The following PXN variants were observed in gnomAD, a reference collection of about 807,000 sequenced individuals.
The protein encoded by PXN is paxillin, also known as testicular tissue protein Li 134.
Under a neutral mutation model 103.6 loss-of-function variants are expected in PXN, and 61 were observed. That is an observed-to-expected ratio of 0.59 (90% CI 0.48 to 0.73). PXN has a LOEUF of 0.73. PXN is among the 30% of genes least tolerant of loss of function. The probability of loss-of-function intolerance (pLI) is 0.00; values close to 1 mark genes in which losing one functional copy is unlikely to be tolerated. For synonymous variants in PXN, 562 were observed against 607.8 expected (o/e 0.92, Z 1.11); for missense variants, 1,274 against 1,460.3 (o/e 0.87, Z 2.08).
chr12:120,219,929 A>G lies in PXN; in HGVS notation c.994T>C (p.Cys332Arg). The G allele has an allele frequency of 6.3e-7, 1 of 1,597,494 alleles. No individual in the cohort carries two copies. Among genetic ancestry groups the G allele is most frequent in the Non-Finnish European group, 8.5e-7 (1 of 1,178,994 alleles). Residue 332 changes from cysteine to arginine, a missense_variant, in exon 7 of 15, where the codon TGT (cysteine) becomes CGT (arginine). Cys to Arg is a radical substitution (Grantham distance 180). Transcript: ENST00000637617. The surrounding 1 kb of genome is among the most constrained non-coding windows in gnomAD (Gnocchi z 6.5). ...AGGCCTCGTCCACTCTGCTCAGTAC[A>G]AGGGAACTCCGGAGTGTGGCCCTGG... is the stretch of plus-strand genomic sequence containing the variant. ...RGQGHTPEFP[C>R]TEQSGRGLLP...
At chr12:120,226,589 G>A (rs1886932861) in intron 1 of PXN, 1 of 1,192,906 alleles carries the variant, frequency 8.4e-7, no homozygotes, top group Admixed American at 3.5e-5. Context: ...TTCTAAGCCT[G>A]GGCTTTTGGT....
intron 1 of PXN, among the ~76,000 whole-genome samples, chr12:120,262,946 T>C (rs770549246): frequency 5.1e-4 from 77 of 152,148 alleles, no homozygotes; most frequent in Non-Finnish European, 8.8e-4. Context: ...AATTTGTAAC[T>C]TATTAAGCAG....
chr12:120,263,208 G>A (rs557796395), intron 1 of PXN, among the ~76,000 whole-genome samples: 1 of 152,278 alleles, frequency 6.6e-6, no homozygotes, highest in East Asian at 1.9e-4. Flanking sequence ...AAGGAAAACA[G>A]CTGATGGCAG....
Position 120,221,589 on chromosome 12 carries a change from G to T in PXN, c.831+34C>A. On this transcript the variant is annotated intron_variant, in intron 6 of 14. Transcript: ENST00000637617. This position sits in a 1 kb window ranked among gnomAD's most constrained non-coding sequence, Gnocchi z 6.6. ...GGAGGAGAAGGATGAGGGAGGGGCGGCAGGGCAGGGAAGATGGAGGGTTCA... is the reference window on the plus strand; with the variant it reads ...GGAGGAGAAGGATGAGGGAGGGGCGTCAGGGCAGGGAAGATGGAGGGTTCA... 6.5e-7 allele frequency: 1 copy of T among 1,540,932 alleles called. No individual in the cohort carries two copies. The highest frequency in any genetic ancestry group is 8.8e-7 in the Non-Finnish European group (1 of 1,139,980).
chr12:120,240,189 T>C (rs1467361838), intron 1 of PXN, among the ~76,000 whole-genome samples: 1 of 152,024 alleles, frequency 6.6e-6, no homozygotes, highest in Non-Finnish European at 1.5e-5. Context: ...ACAAATAAGA[T>C]AACAATCATA....
Position 120,219,190 on chromosome 12 carries a change from T to A in PXN, c.1716+17A>T. 6.5e-7 allele frequency: 1 copy of A among 1,543,262 alleles called. No individual in the cohort carries two copies. Among genetic ancestry groups the A allele is most frequent in the Non-Finnish European group, 8.7e-7 (1 of 1,148,842 alleles). ...CGCCAATGGCCATGCCCAGCAGCCATGCGAGCTGGTGCCTGCCTGGCCAGA... is the reference window on the plus strand; with the variant it reads ...CGCCAATGGCCATGCCCAGCAGCCAAGCGAGCTGGTGCCTGCCTGGCCAGA... On this transcript the variant is annotated intron_variant, in intron 7 of 14. Transcript: ENST00000637617. This position sits in a 1 kb window ranked among gnomAD's most constrained non-coding sequence, Gnocchi z 6.5.
At chr12:120,238,250 G>C (rs1485345839) in intron 1 of PXN, among the ~76,000 whole-genome samples, 4 of 152,162 alleles carry the variant, frequency 2.6e-5, no homozygotes, top group Non-Finnish European at 5.9e-5. Context: ...CAGGGGAGAG[G>C]GATAGGGTGG....
chr12:120,220,217 G>A lies in PXN; in HGVS notation c.832-126C>T. On this transcript the variant is annotated intron_variant, in intron 6 of 14. Coordinates refer to ENST00000637617, the MANE Select transcript of PXN (RefSeq NM_001385981.1). The surrounding 1 kb of genome is among the most constrained non-coding windows in gnomAD (Gnocchi z 6.1). Reference sequence around the variant, plus strand: ...AAGGTGGCTGCAAAGCTGACGCACAGGACTGACCCTTGAAGGAGACCCAGA... The same window carrying A: ...AAGGTGGCTGCAAAGCTGACGCACAAGACTGACCCTTGAAGGAGACCCAGA... 1 of 469,664 alleles carries A rather than the reference G, an allele frequency of 2.1e-6. No individual in the cohort carries two copies. The highest frequency in any genetic ancestry group is 5.5e-5 in the South Asian group (1 of 18,094). 29.1% of individuals were successfully genotyped at this position (469,664 alleles called of 1,614,324 possible).
chr12:120,236,406 C>A (rs1219747040), intron 1 of PXN, among the ~76,000 whole-genome samples: 1 of 152,048 alleles, frequency 6.6e-6, no homozygotes, highest in Non-Finnish European at 1.5e-5. Context: ...GCAATCTCCA[C>A]CTCCTGGGAT....
Position 120,220,133 on chromosome 12 carries a change from A to C in PXN, c.832-42T>G. The C allele has an allele frequency of 1.2e-6, 1 of 810,792 alleles. No individual in the cohort carries two copies. Among genetic ancestry groups the C allele is most frequent in the Non-Finnish European group, 1.9e-6 (1 of 530,594 alleles). The allele number at this position is 810,792 out of a possible 1,614,324, so 50.2% of individuals were successfully genotyped here. A position where few individuals can be genotyped will look rare whatever the true frequency, so the allele number is the denominator to read the frequency against. ...TGCAGAGGGGAGAGGAGAGAGAGAGATGAGGGGAGTGAGGACGGCTGCACC... is the reference window on the plus strand; with the variant it reads ...TGCAGAGGGGAGAGGAGAGAGAGAGCTGAGGGGAGTGAGGACGGCTGCACC... On this transcript the variant is annotated intron_variant, in intron 6 of 14. Transcript: ENST00000637617. This position sits in a 1 kb window ranked among gnomAD's most constrained non-coding sequence, Gnocchi z 6.1.
chr12:120,231,555 C>T (rs748500191), intron 1 of PXN, among the ~76,000 whole-genome samples: 4 of 152,100 alleles, frequency 2.6e-5, no homozygotes, highest in Non-Finnish European at 5.9e-5. Context: ...TCCAGTCAGC[C>T]GCCAGGGGAG....
At chr12:120,261,880 A>T (rs186663808) in intron 1 of PXN, among the ~76,000 whole-genome samples, 1 of 152,222 alleles carries the variant, frequency 6.6e-6, no homozygotes, top group African/African-American at 2.4e-5. Flanking sequence ...CACATATCAG[A>T]AAGTGTACCC....
Position 120,253,835 on chromosome 12 carries a change from T to C in PXN, c.13+11782A>G, listed in dbSNP as rs11065059. On this transcript the variant is annotated intron_variant, in intron 1 of 14. Transcript: ENST00000637617. ...AAGCCAGACACAACAAGAAAAACATTGCATGATCTCACTTATATGTACTAT... is the reference window on the plus strand; with the variant it reads ...AAGCCAGACACAACAAGAAAAACATCGCATGATCTCACTTATATGTACTAT... 6.7e-3 allele frequency among the ~76,000 whole-genome samples: 1,020 copies of C among 152,266 alleles called. 15 individuals carry two copies. Among genetic ancestry groups the C allele is most frequent in the African/African-American group, 0.023 (958 of 41,536 alleles).
chr12:120,213,773 A>G lies in PXN; in HGVS notation c.2979+69T>C. ...CCTCTGAGTTGGATCCAGACAGCAC[A>G]ATGAGGAAGACCCCTCTCTCCCCAC... is the stretch of plus-strand genomic sequence containing the variant. On this transcript the variant is annotated intron_variant, in intron 14 of 14. Coordinates refer to ENST00000637617, the MANE Select transcript of PXN (RefSeq NM_001385981.1). The surrounding 1 kb of genome is among the most constrained non-coding windows in gnomAD (Gnocchi z 4.2). 6.5e-7 allele frequency: 1 copy of G among 1,548,154 alleles called. No homozygotes were observed. Among genetic ancestry groups the G allele is most frequent in the South Asian group, 1.2e-5 (1 of 84,246 alleles).
At chr12:120,247,067 AAAG>A (rs71656282) in intron 1 of PXN, among the ~76,000 whole-genome samples, 16,743 of 151,954 alleles carry the variant, frequency 0.11, 2,757 homozygotes, top group African/African-American at 0.36. Flanking sequence ...AGAAAAGAAG[AAAG>A]AATAAACAGA....
Position 120,213,379 on chromosome 12 carries a change from CAAAA to C in PXN, c.2979+459_2979+462del. ...TGGGCAACAGAGTGAGACTCCGTCT[CAAAA>C]AAAGAAAAGAAAAGAAAAGGCTCTG... On this transcript the variant is annotated intron_variant, in intron 14 of 14. Transcript: ENST00000637617. This position sits in a 1 kb window ranked among gnomAD's most constrained non-coding sequence, Gnocchi z 4.2. 6.8e-6 allele frequency among the ~76,000 whole-genome samples: 1 copy of C among 147,696 alleles called. No homozygotes were observed. Among genetic ancestry groups the C allele is most frequent in the Non-Finnish European group, 1.5e-5 (1 of 66,634 alleles).
At chr12:120,237,157 A>G (rs1431867235) in intron 1 of PXN, among the ~76,000 whole-genome samples, 8 of 142,692 alleles carry the variant, frequency 5.6e-5, no homozygotes, top group Non-Finnish European at 1.2e-4. Context: ...ATACACACAC[A>G]CACACACACA....
At chr12:120,239,578 T>A (rs1468258972) in intron 1 of PXN, among the ~76,000 whole-genome samples, 1 of 151,636 alleles carries the variant, frequency 6.6e-6, no homozygotes, top group Non-Finnish European at 1.5e-5. Context: ...TGAGACTCCG[T>A]CTCAAAAACA....
chr12:120,211,768 G>T lies in PXN; in HGVS notation c.*546C>A. 2.7e-6 allele frequency: 1 copy of T among 375,884 alleles called. No homozygotes were observed. Among genetic ancestry groups the T allele is most frequent in the Non-Finnish European group, 5.4e-6 (1 of 186,460 alleles). 23.3% of individuals were successfully genotyped at this position (375,884 alleles called of 1,614,324 possible). On this transcript the variant is annotated 3_prime_UTR_variant, in exon 15 of 15. Transcript: ENST00000637617. ...AGTCGCCAGGCCTAGGGCACTGGAA[G>T]GGTAGGAGGAGCACAGAGAACCTTC...
Sources: allele counts gnomAD v4.1 joint callset (sites outside exome capture counted in the v4.1 genomes callset), GRCh38; gene constraint gnomAD v4.1.1; non-coding constraint Gnocchi (gnomAD v3.1); transcripts MANE v1.5; gene names NCBI Gene and HGNC (gene_info 2026-07-23, HGNC 2026-07-21).